Variants in DCK observed in about 807,000 individuals in gnomAD.
DCK encodes deoxyadenosine kinase.
In DCK, 23 loss-of-function variants were observed where a neutral mutation model predicts 38.3. That is an observed-to-expected ratio of 0.60 (90% confidence interval 0.43 to 0.85). DCK has a LOEUF of 0.85. DCK is among the 40% of genes least tolerant of loss of function. DCK has a pLI of 0.00. For synonymous variants in DCK, 108 were observed against 100.6 expected, an observed-to-expected ratio of 1.07 and a Z score of -0.44; for missense variants, 259 against 304.4, an observed-to-expected ratio of 0.85 and a Z score of 1.11.
At chr4:71,004,338 C>T (rs990208781) in intron 2 of DCK, among the ~76,000 whole-genome samples, 1 of 152,180 alleles carries the variant, frequency 6.6e-6, no homozygotes, top group African/African-American at 2.4e-5. Flanking sequence ...GAAGCTTTGT[C>T]CCAGAGGGGC....
rs185598693 is a variant in DCK, at chr4:71,005,211, A to G, written c.207+7029A>G. Reference sequence around the variant, plus strand: ...CCATCCCTCAAGGCTTCCCTTGGCTAGGGGAGGGAGTTCCCCCACCCCTTT... The same window carrying G: ...CCATCCCTCAAGGCTTCCCTTGGCTGGGGGAGGGAGTTCCCCCACCCCTTT... On this transcript the variant is annotated intron_variant, in intron 2 of 6. Transcript: ENST00000286648. Among the ~76,000 whole-genome samples the G allele has an allele frequency of 8.2e-3, 1,250 of 152,036 alleles. 8 individuals are homozygous for G. Among genetic ancestry groups the G allele is most frequent in the African/African-American group, 0.029 (1,188 of 41,486 alleles).
intron 1 of DCK, among the ~76,000 whole-genome samples, chr4:70,996,081 C>T (rs535046780): frequency 1.7e-4 from 26 of 152,156 alleles, no homozygotes; most frequent in Admixed American, 7.2e-4. Context: ...CAGTGGATCA[C>T]GCCTGTAGCT....
chr4:70,998,321 A>G (rs886937385), intron 2 of DCK, 139 bp downstream of exon 2: 5 of 470,912 alleles, frequency 1.1e-5, no homozygotes, highest in East Asian at 3.3e-5. Context: ...TGGTGGTTAC[A>G]TGGATATATA....
chr4:71,026,623 G>A (rs763434371), intron 5 of DCK, 42 bp from the exon 6 acceptor site: 1 of 948,504 alleles, frequency 1.1e-6, no homozygotes, highest in East Asian at 2.5e-5. Context: ...TCTTTTTTTT[G>A]TTGAATTTCT....
At chr4:71,016,811 A>C (rs1740277180) in intron 2 of DCK, among the ~76,000 whole-genome samples, 1 of 152,232 alleles carries the variant, frequency 6.6e-6, no homozygotes, top group Non-Finnish European at 1.5e-5. Context: ...TAAATGTTAG[A>C]CCTAAAACCA....
At chr4:71,016,321 A>T (rs561460271) in intron 2 of DCK, among the ~76,000 whole-genome samples, 2 of 152,198 alleles carry the variant, frequency 1.3e-5, no homozygotes, top group South Asian at 4.1e-4. Context: ...ATGCTCGTGG[A>T]TAGGAAGAAT....
At chr4:71,028,163 CAT>C (rs749780444) in intron 6 of DCK, among the ~76,000 whole-genome samples, 7 of 152,184 alleles carry the variant, frequency 4.6e-5, no homozygotes, top group South Asian at 4.1e-4. Context: ...AAATCTACTA[CAT>C]GTTTGATTTT....
intron 2 of DCK, among the ~76,000 whole-genome samples, chr4:70,998,925 CAAAAA>C (rs1209192017): frequency 1.1e-5 from 1 of 95,164 alleles, no homozygotes; most frequent in Non-Finnish European, 2.3e-5. Flanking sequence ...ACTGTCTCAA[CAAAAA>C]AAAAAAAAGG....
intron 2 of DCK, among the ~76,000 whole-genome samples, chr4:71,005,339 C>T (rs981257265): frequency 5.9e-5 from 9 of 151,658 alleles, no homozygotes; most frequent in Admixed American, 3.9e-4. Context: ...GTACTTCAGT[C>T]GGAAATGCAG....
chr4:71,022,586 C>T, intron 3 of DCK, 26 bp downstream of exon 3: 3 of 1,312,888 alleles, frequency 2.3e-6, no homozygotes, highest in South Asian at 2.4e-5. Flanking sequence ...TTGTACGTGG[C>T]CATTTGAAGT....
chr4:71,000,656 T>TG (rs1374758867), intron 2 of DCK, among the ~76,000 whole-genome samples: 1 of 152,258 alleles, frequency 6.6e-6, no homozygotes, highest in East Asian at 1.9e-4. Flanking sequence ...TCTATGAGCA[T>TG]GGAATGTTTT....
chr4:71,017,025 A>G (rs998185191), intron 2 of DCK, among the ~76,000 whole-genome samples: 12 of 152,230 alleles, frequency 7.9e-5, no homozygotes, highest in Non-Finnish European at 1.6e-4. Context: ...AATTTTTGCA[A>G]TCTACTCATC....
At chr4:71,019,326 A>G (rs1340511069) in intron 2 of DCK, among the ~76,000 whole-genome samples, 62 of 152,200 alleles carry the variant, frequency 4.1e-4, no homozygotes. Flanking sequence ...TTTGGGCAAG[A>G]GAGATTATAT....
At chr4:71,013,821 A>C (rs1320936365) in intron 2 of DCK, among the ~76,000 whole-genome samples, 1 of 152,232 alleles carries the variant, frequency 6.6e-6, no homozygotes, top group Admixed American at 6.5e-5. Context: ...AATTGTAAAG[A>C]CCATCGAGGC....
intron 2 of DCK, among the ~76,000 whole-genome samples, chr4:71,014,896 C>T (rs934853591): frequency 2.0e-5 from 3 of 152,106 alleles, no homozygotes; most frequent in African/African-American, 7.2e-5. Context: ...CCAAAGCTAG[C>T]AGAAGGCAAG....
At chr4:71,009,827 C>G (rs930078990) in intron 2 of DCK, among the ~76,000 whole-genome samples, 1 of 152,034 alleles carries the variant, frequency 6.6e-6, no homozygotes, top group Non-Finnish European at 1.5e-5. Context: ...TGGGTGGCTT[C>G]CCTGTATCTT....
rs528056591 is a variant in DCK, at chr4:71,017,632, A to G, written c.208-4735A>G. On this transcript the variant is annotated intron_variant, in intron 2 of 6. Transcript: ENST00000286648. The stretch of plus-strand genomic sequence containing the variant: ...GGATGAGTTAATGTCCTTTGTAGGG[A>G]CATAGATGAAGCTGGAAACCATCAT... Among the ~76,000 whole-genome samples the G allele has an allele frequency of 3.2e-4, 48 of 152,174 alleles. 2 individuals are homozygous for G. The South Asian group carries it at 9.1e-3, about 29-fold the overall frequency.
chr4:71,001,775 G>T (rs1578419075), intron 2 of DCK, among the ~76,000 whole-genome samples: 1 of 152,102 alleles, frequency 6.6e-6, no homozygotes, highest in Non-Finnish European at 1.5e-5. Context: ...TTTGCGTGGA[G>T]GTGTTTATAG....
At chr4:70,994,793 G>A (rs1226111119) in intron 1 of DCK, among the ~76,000 whole-genome samples, 2 of 152,152 alleles carry the variant, frequency 1.3e-5, no homozygotes, top group Non-Finnish European at 2.9e-5. Flanking sequence ...AGTAAACATT[G>A]GATTATGATT....
Sources: gnomAD v4.1 joint callset for allele counts (sites outside exome capture counted in the v4.1 genomes callset) on GRCh38, gnomAD v4.1.1 for gene constraint, MANE v1.5 for transcripts, NCBI Gene and HGNC (gene_info 2026-07-23, HGNC 2026-07-21) for gene names.